RASGEF1C: variants seen among roughly 807,000 people sequenced by gnomAD.
RASGEF1C encodes the protein RasGEF domain family member 1C.
In RASGEF1C, 27 loss-of-function variants were observed where a neutral mutation model predicts 58.1. The observed-to-expected ratio is 0.46, with a 90% CI of 0.34 to 0.64. The LOEUF (loss-of-function observed/expected upper bound fraction) is 0.64. Among genes scored for constraint, RASGEF1C ranks in the 30% least tolerant of loss-of-function variants. The probability of loss-of-function intolerance (pLI) is 0.01; values close to 1 mark genes in which losing one functional copy is unlikely to be tolerated. For synonymous variants in RASGEF1C, 243 were observed against 246.3 expected, an observed-to-expected ratio of 0.99 and a Z score of 0.13; for missense variants, 502 against 605.1, an observed-to-expected ratio of 0.83 and a Z score of 1.79.
At chr5:180,163,140 T>C (rs1766968856) in intron 1 of RASGEF1C, among the ~76,000 whole-genome samples, 1 of 151,964 alleles carries the variant, frequency 6.6e-6, no homozygotes, top group African/African-American at 2.4e-5. Flanking sequence ...TTGGATTTTC[T>C]AGGTAGAAAA....
chr5:180,130,422 A>G (rs971856709), intron 4 of RASGEF1C, among the ~76,000 whole-genome samples: 26 of 152,302 alleles, frequency 1.7e-4, no homozygotes, highest in African/African-American at 5.1e-4. Context: ...GCCAGCCTTG[A>G]GGGGCACGGT....
At chr5:180,121,639 A>T (rs1256879509) in intron 6 of RASGEF1C, among the ~76,000 whole-genome samples, 10 of 42,112 alleles carry the variant, frequency 2.4e-4, no homozygotes, top group Admixed American at 1.3e-3. Context: ...ATGTAACTTC[A>T]CACACACACA....
At position 180,102,658 on chromosome 5, in the gene RASGEF1C, C is replaced by T. The variant is rs1397601562; in HGVS notation, c.1304-515G>A. On this transcript the variant is annotated intron_variant, in intron 12 of 13. Coordinates refer to ENST00000361132, the MANE Select transcript of RASGEF1C (RefSeq NM_175062.4). The stretch of plus-strand genomic sequence containing the variant: ...TGTTTGTTGGAGGGCTAGCTTTCCT[C>T]CATTGGGTTTTGTTTTGTTTTGTTT... Among the ~76,000 whole-genome samples, 4 of 133,084 alleles carry T rather than the reference C, an allele frequency of 3.0e-5. No individual in the cohort carries two copies. In the East Asian group the frequency reaches 9.1e-4, roughly 30 times the overall value. The allele number at this position is 133,084 out of a possible 152,430, so 87.3% of individuals were successfully genotyped here.
At position 180,118,630 on chromosome 5, in the gene RASGEF1C, C is replaced by T. The variant is rs376536496; in HGVS notation, c.1062G>A (p.Thr354=). 121 of 1,612,680 alleles carry T rather than the reference C, an allele frequency of 7.5e-5. No homozygotes were observed. The highest frequency in any genetic ancestry group is 5.0e-4 in the Middle Eastern group (3 of 6,034). Reference sequence around the variant, plus strand: ...CTACCTTCTCTCGGCTGCTGTGGGCCGTCAGGGAGCGGTGGGCCGCCCCGC... The same window carrying T: ...CTACCTTCTCTCGGCTGCTGTGGGCTGTCAGGGAGCGGTGGGCCGCCCCGC... The part of the protein sequence containing the change: ...ALRGAAHRSL[T]AHSSREKIVI... The change falls in exon 10 of 14, where the codon ACG becomes ACA. Residue 354 remains threonine (T), a synonymous_variant. Transcript: ENST00000361132.
chr5:180,152,457 G>A (rs550109862), intron 1 of RASGEF1C, among the ~76,000 whole-genome samples: 8 of 150,426 alleles, frequency 5.3e-5, no homozygotes, highest in Non-Finnish European at 8.8e-5. Flanking sequence ...GCAAACTATC[G>A]CAAGGACAAA....
chr5:180,161,471 G>A (rs1364514020), intron 1 of RASGEF1C, among the ~76,000 whole-genome samples: 2 of 152,256 alleles, frequency 1.3e-5, no homozygotes, highest in Non-Finnish European at 2.9e-5. Context: ...CCAGAATGTG[G>A]CTCACCTGTG....
chr5:180,148,089 A>G (rs1390521221), intron 1 of RASGEF1C, among the ~76,000 whole-genome samples: 1 of 152,186 alleles, frequency 6.6e-6, no homozygotes, highest in African/African-American at 2.4e-5. Flanking sequence ...TTTCATTGAT[A>G]TGTGATACCC....
At chr5:180,175,799 C>T (rs1199608517) in intron 1 of RASGEF1C, among the ~76,000 whole-genome samples, 1 of 152,112 alleles carries the variant, frequency 6.6e-6, no homozygotes, top group East Asian at 1.9e-4. Flanking sequence ...GAGATTGAGA[C>T]CATCCTGGCT....
chr5:180,193,836 G>A (rs569675996), intron 1 of RASGEF1C, among the ~76,000 whole-genome samples: 1 of 152,028 alleles, frequency 6.6e-6, no homozygotes, highest in African/African-American at 2.4e-5. Flanking sequence ...TGAAGTTTAC[G>A]CAGACAAAGT....
chr5:180,199,452 C>T (rs1013017168), intron 1 of RASGEF1C, among the ~76,000 whole-genome samples: 2 of 152,142 alleles, frequency 1.3e-5, no homozygotes, highest in Non-Finnish European at 2.9e-5. Context: ...ACTTCCTGAC[C>T]AAATGACCCG....
chr5:180,101,572 AC>A, intron 13 of RASGEF1C, 47 bp from the exon 14 acceptor site: 2 of 1,604,242 alleles, frequency 1.2e-6, no homozygotes. Flanking sequence ...GGAGCTCCCC[AC>A]CCCAGTTAGA....
intron 1 of RASGEF1C, among the ~76,000 whole-genome samples, chr5:180,178,993 C>T (rs62406143): frequency 0.16 from 23,662 of 151,972 alleles, 2,018 homozygotes; most frequent in African/African-American, 0.22. Flanking sequence ...ATGAGGGAGG[C>T]CCCCGGCCAT....
At chr5:180,125,332 T>C (rs1766238150) in intron 6 of RASGEF1C, among the ~76,000 whole-genome samples, 1 of 152,230 alleles carries the variant, frequency 6.6e-6, no homozygotes, top group Non-Finnish European at 1.5e-5. Context: ...GGATACTTCC[T>C]TAAGCTGATA....
At chr5:180,200,128 C>T (rs563247283) in intron 1 of RASGEF1C, among the ~76,000 whole-genome samples, 2 of 151,830 alleles carry the variant, frequency 1.3e-5, no homozygotes, top group African/African-American at 4.8e-5. Flanking sequence ...GGCACGGTGG[C>T]ATGTGCCTGT....
chr5:180,124,355 C>T (rs1766222228), intron 6 of RASGEF1C, among the ~76,000 whole-genome samples: 1 of 152,030 alleles, frequency 6.6e-6, no homozygotes, highest in African/African-American at 2.4e-5. Context: ...GTAAGAGAAA[C>T]AAAGACTACA....
rs554386492 is a variant in RASGEF1C at position 180,155,780 on chromosome 5, C to T, written c.-6-17722G>A. ...TACAAGGAGAGGCACAGCCCAGTCA[C>T]TCCCCAAGCCACAGTGAAGGGGTTT... On this transcript the variant is annotated intron_variant, in intron 1 of 13. Transcript: ENST00000361132. This position sits in a 1 kb window ranked among gnomAD's most constrained non-coding sequence, Gnocchi z 5.2. 7.3e-4 allele frequency among the ~76,000 whole-genome samples: 111 copies of T among 152,262 alleles called. 5 individuals carry two copies. In the South Asian group the frequency reaches 0.023, roughly 31 times the overall value.
intron 1 of RASGEF1C, among the ~76,000 whole-genome samples, chr5:180,152,104 CTT>C (rs926974624): frequency 2.0e-5 from 3 of 151,392 alleles, no homozygotes; most frequent in Admixed American, 6.6e-5. Flanking sequence ...AATAGGAACA[CTT>C]TTACACTGTT....
intron 10 of RASGEF1C, chr5:180,115,261 G>T: frequency 2.3e-6 from 1 of 431,840 alleles, no homozygotes; most frequent in Non-Finnish European, 4.6e-6. Context: ...TGATCTGCTC[G>T]CCTCGGCCTC....
At chr5:180,105,107 G>A (rs1450314582) in intron 12 of RASGEF1C, among the ~76,000 whole-genome samples, 5 of 152,158 alleles carry the variant, frequency 3.3e-5, no homozygotes, top group African/African-American at 4.8e-5. Context: ...AAACTAGCAA[G>A]AATTTATTTT....
Sources: allele counts gnomAD v4.1 joint callset (sites outside exome capture counted in the v4.1 genomes callset), GRCh38; gene constraint gnomAD v4.1.1; non-coding constraint Gnocchi (gnomAD v3.1); transcripts MANE v1.5; gene names NCBI Gene and HGNC (gene_info 2026-07-23, HGNC 2026-07-21).